CACNB4: variants seen among roughly 807,000 people sequenced by gnomAD.
The protein encoded by CACNB4 is calcium voltage-gated channel auxiliary subunit beta 4.
CACNB4 carries 32 observed loss-of-function variants against 71.2 expected under a neutral mutation model. The observed-to-expected ratio is 0.45, with a 90% CI of 0.34 to 0.60. The LOEUF (loss-of-function observed/expected upper bound fraction) is 0.60, where lower values mean the gene tolerates loss of function less well. Ranked by LOEUF, CACNB4 falls within the 20% of genes least tolerant of loss-of-function variation. The probability of loss-of-function intolerance (pLI) is 0.01; values close to 1 mark genes in which losing one functional copy is unlikely to be tolerated. For missense variants in CACNB4, 464 were observed against 647.9 expected, an observed-to-expected ratio of 0.72 and a Z score of 3.08; for synonymous variants, 231 against 236.9, an observed-to-expected ratio of 0.97 and a Z score of 0.23.
At chr2:151,884,634 C>CAA (rs35506114) in intron 2 of CACNB4, among the ~76,000 whole-genome samples, 101 of 61,436 alleles carry the variant, frequency 1.6e-3, no homozygotes, top group Admixed American at 2.3e-3. Context: ...GACTCCGTCT[C>CAA]AAAAAAAAAA....
At chr2:151,936,521 T>C (rs1423451599) in intron 2 of CACNB4, 3 of 152,260 alleles carry the variant, frequency 2.0e-5, no homozygotes, top group African/African-American at 4.8e-5. Context: ...GGCTGTGTCA[T>C]GTTGTGAAAA....
chr2:151,975,904 CAG>C (rs1271699211), intron 2 of CACNB4, among the ~76,000 whole-genome samples: 14 of 152,196 alleles, frequency 9.2e-5, no homozygotes, highest in Admixed American at 5.9e-4. Context: ...GGGGAGAAGA[CAG>C]AGGCAGCCCA....
intron 2 of CACNB4, among the ~76,000 whole-genome samples, chr2:152,004,607 C>T (rs1682618594): frequency 6.6e-6 from 1 of 152,070 alleles, no homozygotes; most frequent in Non-Finnish European, 1.5e-5. Context: ...AATCCTGCCC[C>T]TCCTGCCTTC....
chr2:151,946,313 G>A (rs2099865599), intron 2 of CACNB4, among the ~76,000 whole-genome samples: 1 of 149,242 alleles, frequency 6.7e-6, no homozygotes, highest in African/African-American at 2.5e-5. Flanking sequence ...CGGGCAACAA[G>A]AGTAAAACTC....
intron 2 of CACNB4, among the ~76,000 whole-genome samples, chr2:152,018,450 C>CA (rs1272187016): frequency 6.6e-6 from 1 of 151,594 alleles, no homozygotes; most frequent in African/African-American, 2.4e-5. Context: ...TTGCACCATC[C>CA]AAAAACAAAA....
chr2:151,951,600 C>T (rs558220172), intron 2 of CACNB4, among the ~76,000 whole-genome samples: 2 of 152,222 alleles, frequency 1.3e-5, no homozygotes, highest in African/African-American at 4.8e-5. Context: ...GAGGTCCAGG[C>T]AAGGGGAGAC....
At chr2:151,923,863 T>C (rs1203506002) in intron 2 of CACNB4, among the ~76,000 whole-genome samples, 2 of 152,072 alleles carry the variant, frequency 1.3e-5, no homozygotes, top group Non-Finnish European at 2.9e-5. Flanking sequence ...GACCCAACAC[T>C]AAGTAAAGTA....
chr2:151,962,264 C>G (rs1266074265), intron 2 of CACNB4, among the ~76,000 whole-genome samples: 1 of 152,232 alleles, frequency 6.6e-6, no homozygotes, highest in African/African-American at 2.4e-5. Context: ...TAACCACACC[C>G]TTTCTGGGAA....
intron 2 of CACNB4, among the ~76,000 whole-genome samples, chr2:152,034,248 C>T (rs1163054650): frequency 6.6e-6 from 1 of 152,184 alleles, no homozygotes; most frequent in South Asian, 2.1e-4. Flanking sequence ...ACAGAAGTCA[C>T]GTCTTGCAAA....
At chr2:151,895,700 G>T (rs927141206) in intron 2 of CACNB4, among the ~76,000 whole-genome samples, 2 of 151,706 alleles carry the variant, frequency 1.3e-5, no homozygotes, top group African/African-American at 4.8e-5. Flanking sequence ...TACAGCTTAA[G>T]ATTACCTGCA....
rs553465742 is a variant in CACNB4, at chr2:151,924,698, T to C, written c.148-41328A>G. On this transcript the variant is annotated intron_variant, in intron 2 of 13. Coordinates refer to ENST00000539935, the MANE Select transcript of CACNB4 (RefSeq NM_000726.5). The stretch of plus-strand genomic sequence containing the variant: ...GAATAAGAGAAGTTCTGGAATATAT[T>C]TACCTTAGAAAGTTTTAGGAAGTTT... 2.7e-3 allele frequency among the ~76,000 whole-genome samples: 411 copies of C among 152,278 alleles called. 1 individual carries two copies. The highest frequency in any genetic ancestry group is 9.3e-3 in the African/African-American group (387 of 41,556).
intron 2 of CACNB4, among the ~76,000 whole-genome samples, chr2:151,925,334 G>A (rs142778424): frequency 7.7e-4 from 118 of 152,312 alleles, no homozygotes; most frequent in African/African-American, 2.7e-3. Context: ...TTTGGAGGAT[G>A]TACGTCCCAA....
chr2:151,854,177 C>T (rs1039261997), intron 11 of CACNB4: 5 of 152,412 alleles, frequency 3.3e-5, no homozygotes, highest in Non-Finnish European at 7.3e-5. Flanking sequence ...CTATAATACC[C>T]CAGGACATAG....
chr2:151,894,849 CT>C (rs1206484600), intron 2 of CACNB4, among the ~76,000 whole-genome samples: 1 of 151,830 alleles, frequency 6.6e-6, no homozygotes, highest in African/African-American at 2.4e-5. Context: ...TCTATGAATA[CT>C]TTTAATCAAG....
intron 2 of CACNB4, among the ~76,000 whole-genome samples, chr2:151,944,764 G>C (rs947777065): frequency 1.3e-5 from 2 of 152,134 alleles, no homozygotes; most frequent in African/African-American, 4.8e-5. Context: ...AGCACTCCAG[G>C]CTGGGTGACA....
intron 2 of CACNB4, among the ~76,000 whole-genome samples, chr2:151,986,925 T>C (rs1415694352): frequency 6.6e-6 from 1 of 152,086 alleles, no homozygotes; most frequent in East Asian, 1.9e-4. Context: ...ATTGTTTTTT[T>C]CCCTCTCAGG....
intron 2 of CACNB4, among the ~76,000 whole-genome samples, chr2:152,035,485 G>C (rs577124162): frequency 6.6e-6 from 1 of 152,094 alleles, no homozygotes; most frequent in East Asian, 1.9e-4. Context: ...GCTTGAACCC[G>C]GGAGGCGGAG....
chr2:151,952,311 T>C (rs554157150), intron 2 of CACNB4, among the ~76,000 whole-genome samples: 1 of 152,288 alleles, frequency 6.6e-6, no homozygotes, highest in African/African-American at 2.4e-5. Context: ...GTAATGATTT[T>C]GAAGAGACAG....
chr2:152,043,735 G>C (rs1392194564), intron 2 of CACNB4, among the ~76,000 whole-genome samples: 1 of 152,132 alleles, frequency 6.6e-6, no homozygotes, highest in African/African-American at 2.4e-5. Flanking sequence ...TTTGTGGCAA[G>C]ATGTCTCAAA....
Sources: gnomAD v4.1 joint callset for allele counts (sites outside exome capture counted in the v4.1 genomes callset) on GRCh38, gnomAD v4.1.1 for gene constraint, MANE v1.5 for transcripts, NCBI Gene and HGNC (gene_info 2026-07-23, HGNC 2026-07-21) for gene names.